ROBO1: variants seen among roughly 807,000 people sequenced by gnomAD.
ROBO1 encodes the protein roundabout homolog 1.
A neutral mutation model predicts 195.9 loss-of-function variants in ROBO1; 149 were observed. The ratio of observed to expected loss-of-function variants is 0.76; its 90% CI spans 0.67 to 0.87. The LOEUF (loss-of-function observed/expected upper bound fraction) is 0.87, where lower values mean the gene tolerates loss of function less well. Ranked by LOEUF, ROBO1 falls within the 40% of genes least tolerant of loss-of-function variation. ROBO1 has a pLI of 0.00. For synonymous variants in ROBO1, 816 were observed against 733.2 expected (o/e 1.11, Z -1.82); for missense variants, 1,933 against 2,068.3 (o/e 0.93, Z 1.27).
In ROBO1 at chr3:79,049,713, T is replaced by C. The variant is rs2078660632; in HGVS notation, c.172+75743A>G. Among the ~76,000 whole-genome samples the C allele has an allele frequency of 2.0e-5, 3 of 152,162 alleles. No homozygotes were observed. The South Asian group carries it at 6.2e-4, about 32-fold the overall frequency. ...ACAGCAGATCTCTTGGCAGAAACTC[T>C]ACAAGCCAGAAGAGAGTGGTGGCCA... On this transcript the variant is annotated intron_variant, in intron 3 of 30. Transcript: ENST00000464233.
At chr3:79,761,281 A>G (rs2107522343) in intron 1 of ROBO1, among the ~76,000 whole-genome samples, 1 of 151,284 alleles carries the variant, frequency 6.6e-6, no homozygotes, top group South Asian at 2.1e-4. Flanking sequence ...AATGCAAACA[A>G]TATTTGACAA....
intron 3 of ROBO1, among the ~76,000 whole-genome samples, chr3:79,055,143 A>G (rs1359482163): frequency 6.6e-6 from 1 of 152,084 alleles, no homozygotes. Flanking sequence ...TGCTAAAGGA[A>G]TCACCATTCA....
intron 2 of ROBO1, among the ~76,000 whole-genome samples, chr3:79,406,471 CA>C (rs1281521028): frequency 6.6e-6 from 1 of 151,544 alleles, no homozygotes; most frequent in East Asian, 1.9e-4. Context: ...AAAACAGCAA[CA>C]AAAAAATGCT....
chr3:78,817,216 A>G (rs750722702), intron 4 of ROBO1, among the ~76,000 whole-genome samples: 23 of 152,290 alleles, frequency 1.5e-4, no homozygotes, highest in African/African-American at 5.5e-4. Context: ...GCCTTCTGCA[A>G]TCACCACCCT....
At chr3:79,557,743 A>AAAAAAC (rs1472319919) in intron 2 of ROBO1, among the ~76,000 whole-genome samples, 1 of 130,836 alleles carries the variant, frequency 7.6e-6, no homozygotes, top group African/African-American at 3.1e-5. Flanking sequence ...AACAAAAAAA[A>AAAAAAC]ATATATATAT....
At chr3:78,610,417 GC>G (rs1703743021) in intron 28 of ROBO1, among the ~76,000 whole-genome samples, 2 of 152,130 alleles carry the variant, frequency 1.3e-5, no homozygotes, top group Non-Finnish European at 2.9e-5. Context: ...TTCAGACTGA[GC>G]CTGGGATTGG....
chr3:79,143,418 T>TA (rs1214653016), intron 2 of ROBO1, among the ~76,000 whole-genome samples: 2 of 151,946 alleles, frequency 1.3e-5, no homozygotes, highest in Non-Finnish European at 2.9e-5. Flanking sequence ...ACACAGGAAA[T>TA]AAAAAATGTG....
At chr3:79,081,538 G>A (rs1437801511) in intron 3 of ROBO1, among the ~76,000 whole-genome samples, 1 of 152,148 alleles carries the variant, frequency 6.6e-6, no homozygotes, top group Non-Finnish European at 1.5e-5. Context: ...TTGCCCTGGG[G>A]ATTCTAACAG....
At chr3:79,466,775 G>T (rs1359534285) in intron 2 of ROBO1, among the ~76,000 whole-genome samples, 11 of 152,080 alleles carry the variant, frequency 7.2e-5, no homozygotes, top group African/African-American at 2.4e-4. Context: ...TTTACTTAGA[G>T]AAATCAATTA....
chr3:79,456,791 A>C (rs1230299598), intron 2 of ROBO1, among the ~76,000 whole-genome samples: 6 of 152,154 alleles, frequency 3.9e-5, no homozygotes, highest in Non-Finnish European at 7.4e-5. Context: ...ATGTCATTTT[A>C]ATCCTAATAA....
intron 2 of ROBO1, among the ~76,000 whole-genome samples, chr3:79,175,580 GC>G (rs2081250375): frequency 6.6e-6 from 1 of 152,172 alleles, no homozygotes; most frequent in South Asian, 2.1e-4. Context: ...AAGCTAAATA[GC>G]GCCTAAGATA....
At chr3:79,018,366 A>G (rs1340521658) in intron 3 of ROBO1, 8 of 1,612,274 alleles carry the variant, frequency 5.0e-6, no homozygotes, top group Non-Finnish European at 6.8e-6. Context: ...GAGGGGGCGA[A>G]CAGGGAGGAT....
At chr3:79,230,547 T>C (rs116070984) in intron 2 of ROBO1, among the ~76,000 whole-genome samples, 8 of 152,132 alleles carry the variant, frequency 5.3e-5, no homozygotes, top group African/African-American at 1.9e-4. Context: ...ATGTTTACAC[T>C]GGCCTAGGGA....
intron 2 of ROBO1, among the ~76,000 whole-genome samples, chr3:79,273,124 C>A (rs532390156): frequency 6.6e-6 from 1 of 152,132 alleles, no homozygotes; most frequent in South Asian, 2.1e-4. Flanking sequence ...GCTCTTCAAT[C>A]TAAAAGAAAA....
chr3:78,847,964 T>C (rs1013302503), intron 4 of ROBO1, among the ~76,000 whole-genome samples: 6 of 152,190 alleles, frequency 3.9e-5, no homozygotes, highest in African/African-American at 1.4e-4. Context: ...GGCTATAAAA[T>C]TGATCAAGTA....
At chr3:79,198,297 C>T (rs575482630) in intron 2 of ROBO1, among the ~76,000 whole-genome samples, 2 of 152,178 alleles carry the variant, frequency 1.3e-5, no homozygotes, top group African/African-American at 4.8e-5. Flanking sequence ...AATAGGGAAT[C>T]CTTTCTCCAT....
rs1703992606 is a variant in ROBO1 at position 78,614,536 on chromosome 3, T to C, written c.4435+112A>G. The C allele has an allele frequency of 2.5e-6, 3 of 1,191,542 alleles. No homozygotes were observed. In the South Asian group the frequency reaches 5.6e-5, roughly 22 times the overall value. 73.8% of individuals were successfully genotyped at this position (1,191,542 alleles called of 1,614,324 possible). ...CTATAAGTAATATGAAGCTGATTGT[T>C]AATAAATTTTTAATGTAATTTCTAA... On this transcript the variant is annotated intron_variant, in intron 28 of 30. Transcript: ENST00000464233.
intron 2 of ROBO1, among the ~76,000 whole-genome samples, chr3:79,276,818 C>T (rs2031074664): frequency 1.3e-5 from 2 of 151,884 alleles, no homozygotes; most frequent in South Asian, 4.1e-4. Context: ...TATTTAAATA[C>T]ATATTTCTCC....
chr3:78,798,805 T>G (rs1345809081), intron 4 of ROBO1, among the ~76,000 whole-genome samples: 1 of 152,202 alleles, frequency 6.6e-6, no homozygotes, highest in Non-Finnish European at 1.5e-5. Context: ...CTTTCATACT[T>G]TCCTATCTGA....
Sources: gnomAD v4.1 joint callset for allele counts (sites outside exome capture counted in the v4.1 genomes callset) on GRCh38, gnomAD v4.1.1 for gene constraint, MANE v1.5 for transcripts, NCBI Gene and HGNC (gene_info 2026-07-23, HGNC 2026-07-21) for gene names.